GAS7: variants seen among roughly 807,000 people sequenced by gnomAD.
GAS7 encodes the protein growth arrest specific 7.
In GAS7, 28 loss-of-function variants were observed where a neutral mutation model predicts 71.1. The ratio of observed to expected loss-of-function variants is 0.39; its 90% CI spans 0.29 to 0.54. GAS7 has a LOEUF of 0.54. Among genes scored for constraint, GAS7 ranks in the 20% least tolerant of loss-of-function variants. The pLI is 0.62. For missense variants in GAS7, 436 were observed against 627.8 expected, an observed-to-expected ratio of 0.69 and a Z score of 3.27; for synonymous variants, 258 against 245.8, an observed-to-expected ratio of 1.05 and a Z score of -0.46.
chr17:10,069,070 C>G (rs2073313252), intron 1 of GAS7, among the ~76,000 whole-genome samples: 1 of 152,134 alleles, frequency 6.6e-6, no homozygotes, highest in Non-Finnish European at 1.5e-5. Context: ...AGGTATTCAG[C>G]ACAAACCGTA....
chr17:10,052,231 C>G (rs543305480), intron 1 of GAS7, among the ~76,000 whole-genome samples: 2 of 152,260 alleles, frequency 1.3e-5, no homozygotes, highest in Non-Finnish European at 2.9e-5. Context: ...CCCATCATAC[C>G]TGAGACTCCT....
At chr17:10,081,868 C>T (rs1005743494) in intron 1 of GAS7, among the ~76,000 whole-genome samples, 1 of 152,178 alleles carries the variant, frequency 6.6e-6, no homozygotes, top group African/African-American at 2.4e-5. Context: ...TAGGAAAGTC[C>T]AGATGTACAT....
chr17:10,020,616 A>G lies in GAS7; in HGVS notation c.184-719T>C, dbSNP rs185559310. Among the ~76,000 whole-genome samples, 73 of 152,304 alleles carry G rather than the reference A, an allele frequency of 4.8e-4. No individual in the cohort carries two copies. The East Asian group carries it at 0.012, about 26-fold the overall frequency. The stretch of plus-strand genomic sequence containing the variant: ...AGATATCTAGTAGACAGATGCTAAA[A>G]AAAAAACAACCATGGCCGGGCGCAG... On this transcript the variant is annotated intron_variant, in intron 1 of 13. Coordinates refer to ENST00000432992, the MANE Select transcript of GAS7 (RefSeq NM_201433.2).
At chr17:10,131,654 T>A (rs1011986952) in intron 1 of GAS7, among the ~76,000 whole-genome samples, 9 of 152,290 alleles carry the variant, frequency 5.9e-5, no homozygotes, top group Admixed American at 3.3e-4. Flanking sequence ...CAAAGTCTCA[T>A]GTATTCCTGT....
intron 1 of GAS7, among the ~76,000 whole-genome samples, chr17:10,057,528 A>G (rs535144501): frequency 6.8e-6 from 1 of 147,576 alleles, no homozygotes; most frequent in Non-Finnish European, 1.5e-5. Flanking sequence ...CAGCCGCCCC[A>G]TCTGGGAAGT....
intron 1 of GAS7, among the ~76,000 whole-genome samples, chr17:10,156,204 C>T (rs2074203834): frequency 6.6e-6 from 1 of 152,158 alleles, no homozygotes; most frequent in Non-Finnish European, 1.5e-5. Flanking sequence ...TTCTCCAAAC[C>T]TCTACCCTGG....
Position 9,911,070 on chromosome 17 carries a change from G to A in GAS7, c.*6158C>T, listed in dbSNP as rs934840799. On this transcript the variant is annotated 3_prime_UTR_variant, in exon 14 of 14. Transcript: ENST00000432992. This position sits in a 1 kb window ranked among gnomAD's most constrained non-coding sequence, Gnocchi z 4.0. The stretch of plus-strand genomic sequence containing the variant: ...TGCTTCCGGTCATCTCCTTCCTAAC[G>A]GAAGGGAAGGGATGCTAAGTTGGGG... The A allele has an allele frequency of 4.7e-5, 11 of 233,010 alleles. No homozygotes were observed. The highest frequency in any genetic ancestry group is 1.7e-4 in the Admixed American group (3 of 17,768). 14.4% of individuals were successfully genotyped at this position (233,010 alleles called of 1,614,324 possible). A position where few individuals can be genotyped will look rare whatever the true frequency, so the allele number is the denominator to read the frequency against.
At chr17:10,133,123 T>TATATATATATA (rs770717224) in intron 1 of GAS7, among the ~76,000 whole-genome samples, 3,556 of 128,986 alleles carry the variant, frequency 0.028, 69 homozygotes, top group South Asian at 0.09. Context: ...TATTTTTATA[T>TATATATATATA]TTTTTTTTTT....
intron 1 of GAS7, among the ~76,000 whole-genome samples, chr17:10,052,785 A>C (rs1317104098): frequency 6.6e-6 from 1 of 152,034 alleles, no homozygotes; most frequent in Non-Finnish European, 1.5e-5. Context: ...CAGGCTCCTC[A>C]CTTTGGGGCT....
intron 11 of GAS7, among the ~76,000 whole-genome samples, chr17:9,922,041 T>C (rs973084093): frequency 5.9e-5 from 9 of 152,076 alleles, no homozygotes; most frequent in African/African-American, 2.2e-4. Flanking sequence ...TCGGTTATCC[T>C]GCGCTTGCCT....
At chr17:9,997,962 G>A (rs1487792136) in intron 2 of GAS7, among the ~76,000 whole-genome samples, 1 of 152,152 alleles carries the variant, frequency 6.6e-6, no homozygotes, top group African/African-American at 2.4e-5. Context: ...GTGGTCAGTT[G>A]ACCAGAAGCT....
intron 4 of GAS7, among the ~76,000 whole-genome samples, chr17:9,960,419 A>G (rs2069436846): frequency 6.6e-6 from 1 of 151,846 alleles, no homozygotes; most frequent in Admixed American, 6.6e-5. Flanking sequence ...CGAACTTTTG[A>G]CCTCAGGCGA....
intron 1 of GAS7, among the ~76,000 whole-genome samples, chr17:10,021,423 A>G (rs1462331084): frequency 1.3e-5 from 2 of 152,232 alleles, no homozygotes; most frequent in Admixed American, 6.5e-5. Context: ...ATTGGAGGGA[A>G]CGAGTAAATC....
intron 1 of GAS7, among the ~76,000 whole-genome samples, chr17:10,165,409 G>A (rs542547088): frequency 2.0e-5 from 3 of 152,096 alleles, no homozygotes; most frequent in Non-Finnish European, 2.9e-5. Flanking sequence ...CACATGTGCT[G>A]CTATGGGAGC....
At chr17:9,996,186 G>A (rs926662895) in intron 2 of GAS7, among the ~76,000 whole-genome samples, 9 of 152,098 alleles carry the variant, frequency 5.9e-5, no homozygotes, top group Non-Finnish European at 8.8e-5. Context: ...AATGTCCAAT[G>A]ATAGACTGGA....
intron 2 of GAS7, among the ~76,000 whole-genome samples, chr17:9,991,003 G>A (rs1260261723): frequency 6.6e-6 from 1 of 152,168 alleles, no homozygotes; most frequent in East Asian, 1.9e-4. Flanking sequence ...GCAGTATAGG[G>A]GTCCCAGCTT....
chr17:9,963,028 G>A (rs1327258777), intron 4 of GAS7, among the ~76,000 whole-genome samples: 2 of 140,112 alleles, frequency 1.4e-5, no homozygotes, highest in South Asian at 2.3e-4. Context: ...AAAATAAATC[G>A]TCAAGGTGAT....
chr17:9,979,175 T>C (rs887355982), intron 3 of GAS7, among the ~76,000 whole-genome samples: 1 of 152,226 alleles, frequency 6.6e-6, no homozygotes, highest in Non-Finnish European at 1.5e-5. Context: ...TTTCAGGCCT[T>C]CCTGCAGTCT....
chr17:9,918,228 T>A, intron 12 of GAS7, 129 bp from the exon 13 acceptor site: 1 of 639,976 alleles, frequency 1.6e-6, no homozygotes. Flanking sequence ...TGGGGTCTGA[T>A]GAAGAGCGTG....
Sources: gnomAD v4.1 joint callset for allele counts (sites outside exome capture counted in the v4.1 genomes callset) on GRCh38, gnomAD v4.1.1 for gene constraint, Gnocchi (gnomAD v3.1) non-coding constraint, MANE v1.5 for transcripts, NCBI Gene and HGNC (gene_info 2026-07-23, HGNC 2026-07-21) for gene names.